The following NOS1AP variants were observed in gnomAD, a reference collection of about 807,000 sequenced individuals.
The protein encoded by NOS1AP is nitric oxide synthase 1 adaptor protein.
In NOS1AP, 21 loss-of-function variants were observed where a neutral mutation model predicts 56.2. That is an observed-to-expected ratio of 0.37 (90% CI 0.26 to 0.54). The LOEUF (loss-of-function observed/expected upper bound fraction) is 0.54. Ranked by LOEUF, NOS1AP falls within the 20% of genes least tolerant of loss-of-function variation. NOS1AP has a pLI of 0.84. For missense variants in NOS1AP, 522 were observed against 657.8 expected, an observed-to-expected ratio of 0.79 and a Z score of 2.26; for synonymous variants, 270 against 274.6, an observed-to-expected ratio of 0.98 and a Z score of 0.17.
At chr1:162,256,639 T>G (rs892763364) in intron 2 of NOS1AP, among the ~76,000 whole-genome samples, 2 of 152,220 alleles carry the variant, frequency 1.3e-5, no homozygotes, top group Non-Finnish European at 2.9e-5. Flanking sequence ...TGTAATTTGT[T>G]AATTCCCCCT....
chr1:162,205,883 A>C (rs1338312017), intron 2 of NOS1AP, among the ~76,000 whole-genome samples: 2 of 152,132 alleles, frequency 1.3e-5, no homozygotes, highest in Non-Finnish European at 2.9e-5. Flanking sequence ...ACACAGAAAA[A>C]GTTTGGCAGC....
At chr1:162,292,973 C>G (rs528245220) in intron 3 of NOS1AP, among the ~76,000 whole-genome samples, 18 of 152,328 alleles carry the variant, frequency 1.2e-4, no homozygotes, top group Non-Finnish European at 1.8e-4. Flanking sequence ...GGGTGTGAAT[C>G]TAGGCCCTAA....
At position 162,287,442 on chromosome 1, in the gene NOS1AP, T is replaced by C. The variant is rs955769714; in HGVS notation, c.270+6T>C. On this transcript the variant is annotated splice_donor_region_variant and intron_variant, in intron 3 of 9. Transcript: ENST00000361897. ...TTCTGAAGAAGAAGAAAAAGGTAAG[T>C]GGCTCTGAACCAGAATCTGAGGTGA... The C allele has an allele frequency of 6.3e-7, 1 of 1,596,076 alleles. No homozygotes were observed. The highest frequency in any genetic ancestry group is 8.6e-7 in the Non-Finnish European group (1 of 1,163,472).
At chr1:162,326,179 G>A (rs1342425639) in intron 4 of NOS1AP, among the ~76,000 whole-genome samples, 1 of 152,176 alleles carries the variant, frequency 6.6e-6, no homozygotes, top group Admixed American at 6.5e-5. Flanking sequence ...CTACCCTAAA[G>A]TTCTGTTTTG....
intron 2 of NOS1AP, among the ~76,000 whole-genome samples, chr1:162,267,830 A>G (rs1457797989): frequency 6.6e-6 from 1 of 152,184 alleles, no homozygotes; most frequent in East Asian, 1.9e-4. Context: ...AATGGAGCAG[A>G]GGTAGCTTTA....
At chr1:162,148,582 TC>T (rs1649580275) in intron 1 of NOS1AP, among the ~76,000 whole-genome samples, 1 of 152,166 alleles carries the variant, frequency 6.6e-6, no homozygotes, top group South Asian at 2.1e-4. Flanking sequence ...TTGAGGAACT[TC>T]TGAATAATTG....
intron 2 of NOS1AP, among the ~76,000 whole-genome samples, chr1:162,285,850 G>A (rs543616643): frequency 6.6e-6 from 1 of 152,290 alleles, no homozygotes; most frequent in South Asian, 2.1e-4. Context: ...AGTGATGTAG[G>A]TTGTGGTCAT....
At chr1:162,241,164 A>T (rs4557949) in intron 2 of NOS1AP, among the ~76,000 whole-genome samples, 63,147 of 152,002 alleles carry the variant, frequency 0.42, 15,025 homozygotes, top group Non-Finnish European at 0.55. Context: ...GGAAGGAAAC[A>T]TTTCAATTGA....
chr1:162,319,857 C>G (rs769861293), intron 4 of NOS1AP, among the ~76,000 whole-genome samples: 3 of 152,188 alleles, frequency 2.0e-5, no homozygotes, highest in Non-Finnish European at 4.4e-5. Flanking sequence ...GTATTAAACT[C>G]TCTTCAGCCT....
In NOS1AP at chr1:162,312,633, G is replaced by A. The variant is rs1402275668; in HGVS notation, c.344+11927G>A. Among the ~76,000 whole-genome samples the A allele has an allele frequency of 2.0e-5, 3 of 149,338 alleles. No homozygotes were observed. In the East Asian group the frequency reaches 5.9e-4, roughly 29 times the overall value. ...TTGGCTTTTGTTGCCATTGCTTTTG[G>A]TGTTTTAGACATGAAGTCCTTGCCC... On this transcript the variant is annotated intron_variant, in intron 4 of 9. Coordinates refer to ENST00000361897, the MANE Select transcript of NOS1AP (RefSeq NM_014697.3).
chr1:162,306,623 G>A (rs1655836372), intron 4 of NOS1AP, among the ~76,000 whole-genome samples: 1 of 152,074 alleles, frequency 6.6e-6, no homozygotes, highest in African/African-American at 2.4e-5. Context: ...CCAGTTTTTT[G>A]CTAAGTGCAG....
At chr1:162,333,273 G>A in intron 5 of NOS1AP, 148 bp downstream of exon 5, 1 of 693,782 alleles carries the variant, frequency 1.4e-6, no homozygotes. Context: ...CCTATATAAT[G>A]GAATTCTCTT....
At chr1:162,268,699 C>G (rs76344709) in intron 2 of NOS1AP, among the ~76,000 whole-genome samples, 3,856 of 152,094 alleles carry the variant, frequency 0.025, 69 homozygotes, top group Non-Finnish European at 0.038. Flanking sequence ...AATTAAGACA[C>G]TACATTCTAA....
intron 4 of NOS1AP, among the ~76,000 whole-genome samples, chr1:162,303,696 C>T (rs766337383): frequency 9.9e-5 from 15 of 152,180 alleles, no homozygotes; most frequent in Non-Finnish European, 2.2e-4. Flanking sequence ...TCCATCTCAG[C>T]CTCCCATAGT....
chr1:162,261,130 C>G (rs990272165), intron 2 of NOS1AP, among the ~76,000 whole-genome samples: 1 of 138,542 alleles, frequency 7.2e-6, no homozygotes, highest in Non-Finnish European at 1.5e-5. Context: ...TATATATGTT[C>G]AGGTATACTT....
intron 2 of NOS1AP, among the ~76,000 whole-genome samples, chr1:162,267,092 G>C (rs1654447833): frequency 6.6e-6 from 1 of 152,174 alleles, no homozygotes; most frequent in Non-Finnish European, 1.5e-5. Context: ...CAATGACATA[G>C]AGTGAGTAAT....
intron 2 of NOS1AP, among the ~76,000 whole-genome samples, chr1:162,273,226 C>G (rs1338386510): frequency 6.9e-6 from 1 of 144,344 alleles, no homozygotes; most frequent in Non-Finnish European, 1.5e-5. Flanking sequence ...TGCAGTGGCG[C>G]GATCTCGGCT....
At chr1:162,094,820 G>A (rs1314805071) in intron 1 of NOS1AP, among the ~76,000 whole-genome samples, 1 of 152,160 alleles carries the variant, frequency 6.6e-6, no homozygotes, top group Non-Finnish European at 1.5e-5. Context: ...TTGAAGAGTG[G>A]GTGAGGGTGG....
intron 2 of NOS1AP, among the ~76,000 whole-genome samples, chr1:162,265,238 A>T (rs1174021929): frequency 1.2e-3 from 159 of 127,250 alleles, no homozygotes; most frequent in Non-Finnish European, 1.9e-3. Flanking sequence ...TTTTTTTTTT[A>T]TTATTTTACT....
Sources: allele counts gnomAD v4.1 joint callset (sites outside exome capture counted in the v4.1 genomes callset), GRCh38; gene constraint gnomAD v4.1.1; transcripts MANE v1.5; gene names NCBI Gene and HGNC (gene_info 2026-07-23, HGNC 2026-07-21).